PTPRZ1: variants seen among roughly 807,000 people sequenced by gnomAD.
The protein encoded by PTPRZ1 is protein tyrosine phosphatase receptor type Z1.
In PTPRZ1, 82 loss-of-function variants were observed where a neutral mutation model predicts 214.1. The ratio of observed to expected loss-of-function variants is 0.38; its 90% CI spans 0.32 to 0.46. The LOEUF (loss-of-function observed/expected upper bound fraction) is 0.46, where lower values mean the gene tolerates loss of function less well. Among genes scored for constraint, PTPRZ1 ranks in the 20% least tolerant of loss-of-function variants. PTPRZ1 has a pLI of 1.00. For missense variants in PTPRZ1, 2,603 were observed against 2,748.7 expected (o/e 0.95, Z 1.19); for synonymous variants, 945 against 987.9 (o/e 0.96, Z 0.81).
At chr7:121,943,503 T>C (rs948525219) in intron 2 of PTPRZ1, among the ~76,000 whole-genome samples, 1 of 144,120 alleles carries the variant, frequency 6.9e-6, no homozygotes, top group Non-Finnish European at 1.6e-5. Context: ...GCCCGGCTAA[T>C]TTTTTTTTGT....
chr7:121,918,912 G>A (rs1265018330), intron 1 of PTPRZ1, among the ~76,000 whole-genome samples: 2 of 151,128 alleles, frequency 1.3e-5, no homozygotes, highest in South Asian at 2.1e-4. Flanking sequence ...TTCATATTAG[G>A]AACCTTATAT....
intron 1 of PTPRZ1, among the ~76,000 whole-genome samples, chr7:121,905,844 C>T (rs1401192898): frequency 6.6e-6 from 1 of 152,164 alleles, no homozygotes; most frequent in Non-Finnish European, 1.5e-5. Context: ...ACCACTTGCT[C>T]TTTCTTTTAC....
chr7:121,923,799 T>G (rs1394648262), intron 1 of PTPRZ1, among the ~76,000 whole-genome samples: 1 of 151,850 alleles, frequency 6.6e-6, no homozygotes, highest in Non-Finnish European at 1.5e-5. Flanking sequence ...TAAACAGAAA[T>G]GAAGAAATAT....
Position 121,997,994 on chromosome 7 carries a change from ACTGATAATC to A in PTPRZ1, c.1232_1240del (p.Asp411_Pro413del), listed in dbSNP as rs1458055682. The A allele has an allele frequency of 2.5e-6, 4 of 1,612,856 alleles. No individual in the cohort carries two copies. In the South Asian group the frequency reaches 3.3e-5, roughly 13 times the overall value. On this transcript the variant is annotated inframe_deletion, in exon 10 of 30. Coordinates refer to ENST00000393386, the MANE Select transcript of PTPRZ1 (RefSeq NM_002851.3). ...CGACCAACTGATTGTCGACATGCCTACTGATAATCCTGGTAAGTGCCACCAGATACATCT... is the reference window on the plus strand; with the variant it reads ...CGACCAACTGATTGTCGACATGCCTACTGGTAAGTGCCACCAGATACATCT...
intron 3 of PTPRZ1, 136 bp from the exon 4 acceptor site, chr7:121,972,405 A>G: frequency 1.1e-6 from 1 of 919,186 alleles, no homozygotes; most frequent in Non-Finnish European, 1.6e-6. Flanking sequence ...TTTGGCTTCC[A>G]AAATGGCGAC....
intron 12 of PTPRZ1, among the ~76,000 whole-genome samples, chr7:122,018,474 T>G (rs1419587015): frequency 6.6e-6 from 1 of 152,050 alleles, no homozygotes; most frequent in African/African-American, 2.4e-5. Context: ...CAGAAGAATT[T>G]CTTAGATCTA....
Position 122,013,103 on chromosome 7 carries a change from C to G in PTPRZ1, c.4057C>G (p.Pro1353Ala). 1 of 1,613,892 alleles carries G rather than the reference C, an allele frequency of 6.2e-7. No homozygotes were observed. Among genetic ancestry groups the G allele is most frequent in the Non-Finnish European group, 8.5e-7 (1 of 1,179,758 alleles). The change falls in exon 12 of 30, where the codon CCA becomes GCA. Residue 1353 changes from proline to alanine, a missense_variant. Physicochemically the swap from Pro to Ala is conservative, Grantham distance 27 (BLOSUM62 -1). This residue lies in a region of PTPRZ1 where 1,913 missense variants were observed against 1,914.3 expected (regional missense o/e 1.00). Transcript: ENST00000393386. ...SVTGKVFAGI[P>A]TVASDTFVST... ...TACTGGTAAGGTATTTGCTGGTATT[C>G]CAACAGTTGCTTCTGATACATTTGT...
intron 8 of PTPRZ1, among the ~76,000 whole-genome samples, chr7:121,993,846 T>C (rs1196472): frequency 0.41 from 61,980 of 151,924 alleles, 12,935 homozygotes; most frequent in South Asian, 0.58. Context: ...CTAAAGTATG[T>C]ATGTTTTTTT....
rs1192972064 is a variant in PTPRZ1, at chr7:121,939,776, T to C, written c.124+11555T>C. ...TCAGAGATGCAGTGATGAGTGTAAG[T>C]AATCACAAGTATGCAAACAATAGTG... On this transcript the variant is annotated intron_variant, in intron 2 of 29. Coordinates refer to ENST00000393386, the MANE Select transcript of PTPRZ1 (RefSeq NM_002851.3). 2.0e-5 allele frequency among the ~76,000 whole-genome samples: 3 copies of C among 152,324 alleles called. No individual in the cohort carries two copies. In the East Asian group the frequency reaches 5.8e-4, roughly 29 times the overall value.
At chr7:122,020,720 G>C (rs1167025546) in intron 13 of PTPRZ1, among the ~76,000 whole-genome samples, 1 of 152,124 alleles carries the variant, frequency 6.6e-6, no homozygotes, top group African/African-American at 2.4e-5. Flanking sequence ...AACAGATCAT[G>C]CTTTTGTTAC....
chr7:121,957,565 C>T (rs1796746680), intron 2 of PTPRZ1, among the ~76,000 whole-genome samples: 1 of 152,204 alleles, frequency 6.6e-6, no homozygotes, highest in Non-Finnish European at 1.5e-5. Context: ...ACCTGCTCCT[C>T]CCTTGCAGTG....
intron 13 of PTPRZ1, among the ~76,000 whole-genome samples, chr7:122,020,332 T>TA (rs1190749323): frequency 6.6e-6 from 1 of 152,116 alleles, no homozygotes; most frequent in East Asian, 1.9e-4. Context: ...TAAAAATGTA[T>TA]AAAATATTAC....
chr7:121,985,914 C>G (rs1212830130), intron 8 of PTPRZ1, among the ~76,000 whole-genome samples: 1 of 152,168 alleles, frequency 6.6e-6, no homozygotes, highest in Non-Finnish European at 1.5e-5. Flanking sequence ...TCTTTTATCT[C>G]TTTATCTCCA....
At chr7:122,058,554 TAG>T (rs1438000317) in intron 27 of PTPRZ1, among the ~76,000 whole-genome samples, 1 of 152,160 alleles carries the variant, frequency 6.6e-6, no homozygotes, top group Non-Finnish European at 1.5e-5. Flanking sequence ...CACCCACAGA[TAG>T]AGTTTATTTT....
At chr7:121,935,700 TG>T (rs1194862402) in intron 2 of PTPRZ1, among the ~76,000 whole-genome samples, 3 of 152,106 alleles carry the variant, frequency 2.0e-5, no homozygotes, top group Non-Finnish European at 4.4e-5. Context: ...CCTGAGTAGC[TG>T]GGACTACAGG....
intron 2 of PTPRZ1, among the ~76,000 whole-genome samples, chr7:121,934,189 C>A (rs1796005423): frequency 6.6e-6 from 1 of 152,018 alleles, no homozygotes. Context: ...AATATGTTGA[C>A]ACAAAATATT....
chr7:121,960,200 G>C (rs1358735776), intron 2 of PTPRZ1, among the ~76,000 whole-genome samples: 1 of 152,072 alleles, frequency 6.6e-6, no homozygotes, highest in East Asian at 1.9e-4. Flanking sequence ...CAACACGCCT[G>C]GCTAATTTTT....
At chr7:121,905,646 T>A (rs2116283652) in intron 1 of PTPRZ1, among the ~76,000 whole-genome samples, 1 of 53,672 alleles carries the variant, frequency 1.9e-5, no homozygotes, top group East Asian at 8.9e-4. Context: ...TGGGTTCTAT[T>A]CTTTACACAC....
chr7:121,992,208 G>A (rs190577530), intron 8 of PTPRZ1, among the ~76,000 whole-genome samples: 3 of 152,276 alleles, frequency 2.0e-5, no homozygotes, highest in East Asian at 1.9e-4. Flanking sequence ...CTGAAGCTAA[G>A]ACTGCGCCTT....
Sources: allele counts gnomAD v4.1 joint callset (sites outside exome capture counted in the v4.1 genomes callset), GRCh38; gene constraint gnomAD v4.1.1; regional missense constraint gnomAD v4.1.1; transcripts MANE v1.5; gene names NCBI Gene and HGNC (gene_info 2026-07-23, HGNC 2026-07-21).